Variants in MAST3 observed in about 807,000 individuals in gnomAD.
The protein encoded by MAST3 is microtubule associated serine/threonine kinase 3.
MAST3 carries 43 observed loss-of-function variants against 127.0 expected under a neutral mutation model. That is an observed-to-expected ratio of 0.34 (90% confidence interval 0.27 to 0.44). The LOEUF is 0.44. MAST3 is among the 20% of genes least tolerant of loss of function. The pLI is 1.00. For synonymous variants in MAST3, 785 were observed against 809.2 expected (o/e 0.97, Z 0.51); for missense variants, 1,390 against 1,919.1 (o/e 0.72, Z 5.15).
chr19:18,103,874 A>T (rs1018619403), intron 1 of MAST3, among the ~76,000 whole-genome samples: 1 of 151,956 alleles, frequency 6.6e-6, no homozygotes, highest in African/African-American at 2.4e-5. Context: ...CCAGGGTTCA[A>T]ATCCCTCCCT....
chr19:18,140,077 C>T (rs947519307), intron 20 of MAST3, among the ~76,000 whole-genome samples: 2 of 151,854 alleles, frequency 1.3e-5, no homozygotes, highest in Non-Finnish European at 2.9e-5. Context: ...CCTCGGCCTC[C>T]CAAAGTGCTG....
At chr19:18,109,025 G>T (rs1279374351) in intron 2 of MAST3, among the ~76,000 whole-genome samples, 1 of 152,204 alleles carries the variant, frequency 6.6e-6, no homozygotes, top group African/African-American at 2.4e-5. Context: ...AAGATCTGGG[G>T]CCTCTTGGAG....
intron 19 of MAST3, among the ~76,000 whole-genome samples, chr19:18,138,101 T>C (rs981153411): frequency 6.6e-6 from 1 of 151,776 alleles, no homozygotes; most frequent in Non-Finnish European, 1.5e-5. Flanking sequence ...TCCCAGCTAT[T>C]TGGGAGGCTG....
chr19:18,128,978 C>T (rs1227910515), intron 13 of MAST3, 27 bp downstream of exon 13: 10 of 1,593,552 alleles, frequency 6.3e-6, no homozygotes, highest in Non-Finnish European at 8.6e-6. Context: ...TGCATAGACC[C>T]ATTTCACAGA....
At chr19:18,107,955 T>C (rs1197117908) in intron 2 of MAST3, among the ~76,000 whole-genome samples, 1 of 152,174 alleles carries the variant, frequency 6.6e-6, no homozygotes, top group Non-Finnish European at 1.5e-5. Flanking sequence ...TGAATGCCTC[T>C]CATGACGGGG....
chr19:18,114,512 A>G (rs1478924139), intron 3 of MAST3, among the ~76,000 whole-genome samples: 1 of 151,868 alleles, frequency 6.6e-6, no homozygotes, highest in Non-Finnish European at 1.5e-5. Flanking sequence ...TAATTTCCAC[A>G]TTGTCTTGTG....
Position 18,112,907 on chromosome 19 carries a change from G to T in MAST3, c.161+2166G>T, listed in dbSNP as rs1209962959. On this transcript the variant is annotated intron_variant, in intron 3 of 27. Coordinates refer to ENST00000687212, the MANE Select transcript of MAST3 (RefSeq NM_001393504.1). This position sits in a 1 kb window ranked among gnomAD's most constrained non-coding sequence, Gnocchi z 4.1. ...GTCGAGGCATCCACTGAGAATCAGA[G>T]ACTGCCATCACCCCCATTTAGTGAA... 1.3e-5 allele frequency among the ~76,000 whole-genome samples: 2 copies of T among 152,148 alleles called. No individual in the cohort carries two copies. The highest frequency in any genetic ancestry group is 4.8e-5 in the African/African-American group (2 of 41,438).
intron 19 of MAST3, among the ~76,000 whole-genome samples, chr19:18,138,799 C>T (rs1485023226): frequency 6.6e-6 from 1 of 152,012 alleles, no homozygotes; most frequent in Admixed American, 6.6e-5. Flanking sequence ...GCACCCGGCC[C>T]CACAACTTTT....
rs999970262 is a variant in MAST3, at chr19:18,131,804, C to T, written c.1433-105C>T. On this transcript the variant is annotated intron_variant, in intron 14 of 27. Coordinates refer to ENST00000687212, the MANE Select transcript of MAST3 (RefSeq NM_001393504.1). ...GATAGAACAAACTGGGGACCTTTTG[C>T]AGGAGGTAAAGCGAGGAGGATGCAT... 8.4e-6 allele frequency: 11 copies of T among 1,311,528 alleles called. No homozygotes were observed. In the African/African-American group the frequency reaches 1.3e-4, roughly 16 times the overall value. The allele number at this position is 1,311,528 out of a possible 1,614,324, so 81.2% of individuals were successfully genotyped here. A position where few individuals can be genotyped will look rare whatever the true frequency, so the allele number is the denominator to read the frequency against.
At chr19:18,128,801 G>T in intron 12 of MAST3, 65 bp from the exon 13 acceptor site, 1 of 1,322,558 alleles carries the variant, frequency 7.6e-7, no homozygotes, top group Non-Finnish European at 1.1e-6. Context: ...GTTTGGGCTT[G>T]GGGGCAGGAG....
In MAST3 at chr19:18,144,060, G is replaced by C; in HGVS notation, c.2584+53G>C. On this transcript the variant is annotated intron_variant, in intron 22 of 27. Coordinates refer to ENST00000687212, the MANE Select transcript of MAST3 (RefSeq NM_001393504.1). This position sits in a 1 kb window ranked among gnomAD's most constrained non-coding sequence, Gnocchi z 4.0. ...GATGTCATGGAAGTTTCCCAGAGGA[G>C]GGGCTATTTGAGATGGGTTTTCAAG... 6.5e-7 allele frequency: 1 copy of C among 1,535,200 alleles called. No individual in the cohort carries two copies. The highest frequency in any genetic ancestry group is 8.8e-7 in the Non-Finnish European group (1 of 1,141,624).
At chr19:18,100,612 C>G (rs753088024) in intron 1 of MAST3, among the ~76,000 whole-genome samples, 4 of 152,188 alleles carry the variant, frequency 2.6e-5, no homozygotes, top group African/African-American at 4.8e-5. Context: ...CTCCCAACAG[C>G]CCGAGTGGTC....
chr19:18,149,405 G>T lies in MAST3; in HGVS notation c.3723G>T (p.Ser1241=), dbSNP rs188842427. The T allele has an allele frequency of 2.1e-6, 3 of 1,459,318 alleles. No individual in the cohort carries two copies. The highest frequency in any genetic ancestry group is 2.8e-5 in the Admixed American group (1 of 36,044). 90.4% of individuals were successfully genotyped at this position (1,459,318 alleles called of 1,614,324 possible). A position where few individuals can be genotyped will look rare whatever the true frequency, so the allele number is the denominator to read the frequency against. ...PISAPPPRSP[S]PLPGHPPAPA... Reference sequence around the variant, plus strand: ...CCGCGCCCCCACCCCGCTCGCCCTCGCCCCTGCCCGGGCACCCGCCCGCAC... The same window carrying T: ...CCGCGCCCCCACCCCGCTCGCCCTCTCCCCTGCCCGGGCACCCGCCCGCAC... Residue 1241 remains serine (S), a synonymous_variant, in exon 28 of 28, where the codon TCG becomes TCT. Transcript: ENST00000687212. The surrounding 1 kb of genome is among the most constrained non-coding windows in gnomAD (Gnocchi z 5.9).
Position 18,126,780 on chromosome 19 carries a change from AT to A in MAST3, c.1079-1609del, listed in dbSNP as rs201622630. Among the ~76,000 whole-genome samples, 729 of 148,126 alleles carry A rather than the reference AT, an allele frequency of 4.9e-3. 4 individuals carry two copies. Among genetic ancestry groups the A allele is most frequent in the African/African-American group, 0.015 (605 of 40,400 alleles). On this transcript the variant is annotated intron_variant, in intron 11 of 27. Transcript: ENST00000687212. Reference sequence around the variant, plus strand: ...CAAGACCCCATCTCTACAAAAAGTAATTTTTTTTTTTCTTTTTTGAGACAGA... The same window carrying A: ...CAAGACCCCATCTCTACAAAAAGTAATTTTTTTTTTCTTTTTTGAGACAGA...
chr19:18,102,367 C>T (rs1394329555), intron 1 of MAST3, among the ~76,000 whole-genome samples: 4 of 151,554 alleles, frequency 2.6e-5, no homozygotes, highest in Non-Finnish European at 4.4e-5. Context: ...TTAGTAGAGA[C>T]GGGGTTTCTC....
chr19:18,111,616 C>T (rs1599682821), intron 3 of MAST3, among the ~76,000 whole-genome samples: 1 of 145,838 alleles, frequency 6.9e-6, no homozygotes. Flanking sequence ...CTTACTGCAA[C>T]CTCCACCTCC....
Position 18,145,279 on chromosome 19 carries a change from C to T in MAST3, c.3039+50C>T. ...GGACCCGGGTTCTAGTTTGACTCTG[C>T]CCGGTCATGTCCCTTCTCAGAGCTG... On this transcript the variant is annotated intron_variant, in intron 24 of 27. Transcript: ENST00000687212. This position sits in a 1 kb window ranked among gnomAD's most constrained non-coding sequence, Gnocchi z 5.9. The T allele has an allele frequency of 6.4e-7, 1 of 1,553,846 alleles. No homozygotes were observed. The highest frequency in any genetic ancestry group is 8.9e-7 in the Non-Finnish European group (1 of 1,127,166).
At chr19:18,113,461 GT>G (rs1299125931) in intron 3 of MAST3, among the ~76,000 whole-genome samples, 1 of 151,288 alleles carries the variant, frequency 6.6e-6, no homozygotes, top group South Asian at 2.1e-4. Context: ...CATTTGGGTG[GT>G]TTTTTTTGTT....
intron 3 of MAST3, among the ~76,000 whole-genome samples, chr19:18,116,274 T>C (rs1003289288): frequency 9.3e-5 from 14 of 151,242 alleles, no homozygotes; most frequent in Non-Finnish European, 1.5e-4. Context: ...TTTTGTACTT[T>C]TATTTCTTTT....
Sources: gnomAD v4.1 joint callset for allele counts (sites outside exome capture counted in the v4.1 genomes callset) on GRCh38, gnomAD v4.1.1 for gene constraint, Gnocchi (gnomAD v3.1) non-coding constraint, MANE v1.5 for transcripts, NCBI Gene and HGNC (gene_info 2026-07-23, HGNC 2026-07-21) for gene names.